SERINC3: variants seen among roughly 807,000 people sequenced by gnomAD.
SERINC3 encodes serine incorporator 3, also known as tumor differentially expressed protein 1.
A neutral mutation model predicts 52.1 loss-of-function variants in SERINC3; 22 were observed. That is an observed-to-expected ratio of 0.42 (90% CI 0.30 to 0.60). The LOEUF (loss-of-function observed/expected upper bound fraction) is 0.60. SERINC3 is among the 20% of genes least tolerant of loss of function. SERINC3 has a pLI of 0.16. For missense variants in SERINC3, 564 were observed against 584.6 expected, an observed-to-expected ratio of 0.96 and a Z score of 0.36; for synonymous variants, 226 against 212.7, an observed-to-expected ratio of 1.06 and a Z score of -0.54.
At chr20:44,504,777 A>C (rs761226458) in intron 7 of SERINC3, 24 bp downstream of exon 7, 1 of 1,543,846 alleles carries the variant, frequency 6.5e-7, no homozygotes, top group Non-Finnish European at 8.9e-7. Context: ...TTATCAAATG[A>C]ATGTGTTATT....
intron 7 of SERINC3, 38 bp from the exon 8 acceptor site, chr20:44,504,033 C>T: frequency 2.0e-6 from 3 of 1,527,522 alleles, no homozygotes; most frequent in African/African-American, 1.4e-5. Flanking sequence ...TTGGTTACAG[C>T]TCATCTTGTT....
In SERINC3 at chr20:44,499,119, T is replaced by C. The variant is rs1027990339; in HGVS notation, c.*1177A>G. On this transcript the variant is annotated 3_prime_UTR_variant, in exon 10 of 10. Transcript: ENST00000342374. ...CTCATTTGCTCTCTTCTCTAAGCTA[T>C]TAAAGTCCAAGACGGCAGAGCCTCT... 6.6e-6 allele frequency: 1 copy of C among 152,372 alleles called. No individual in the cohort carries two copies. Among genetic ancestry groups the C allele is most frequent in the African/African-American group, 2.4e-5 (1 of 41,466 alleles). 9.4% of individuals were successfully genotyped at this position (152,372 alleles called of 1,614,324 possible). A position where few individuals can be genotyped will look rare whatever the true frequency, so the allele number is the denominator to read the frequency against.
intron 9 of SERINC3, 49 bp downstream of exon 9, chr20:44,501,024 C>A (rs966713840): frequency 2.2e-6 from 3 of 1,352,980 alleles, no homozygotes; most frequent in African/African-American, 1.4e-5. Flanking sequence ...ATTTTATAGG[C>A]CATCCAAGGG....
intron 5 of SERINC3, among the ~76,000 whole-genome samples, chr20:44,508,094 T>C (rs559430327): frequency 6.6e-6 from 1 of 152,216 alleles, no homozygotes; most frequent in African/African-American, 2.4e-5. Flanking sequence ...TTTTCACCTC[T>C]GAATATACAA....
At chr20:44,511,736 C>A (rs1334964697) in intron 3 of SERINC3, among the ~76,000 whole-genome samples, 1 of 152,166 alleles carries the variant, frequency 6.6e-6, no homozygotes, top group East Asian at 1.9e-4. Context: ...AAAGTAATCA[C>A]AAATATTTAC....
At chr20:44,516,041 C>A (rs933044797) in intron 1 of SERINC3, among the ~76,000 whole-genome samples, 3 of 152,116 alleles carry the variant, frequency 2.0e-5, no homozygotes, top group African/African-American at 7.2e-5. Context: ...TGGTGGCTCA[C>A]GCCTGTAATC....
rs769534314 is a variant in SERINC3, at chr20:44,504,013, T to A, written c.875-18A>T. 8 of 1,568,902 alleles carry A rather than the reference T, an allele frequency of 5.1e-6. No individual in the cohort carries two copies. The highest frequency in any genetic ancestry group is 4.2e-5 in the African/African-American group (3 of 71,992). On this transcript the variant is annotated intron_variant, in intron 7 of 9. Transcript: ENST00000342374. ...GGAACGATCTGAAAATGAGAAAATTTGTATTATCCTTGGTTACAGCTCATC... is the reference window on the plus strand; with the variant it reads ...GGAACGATCTGAAAATGAGAAAATTAGTATTATCCTTGGTTACAGCTCATC...
At chr20:44,514,171 A>G (rs1325016398) in intron 1 of SERINC3, 131 bp from the exon 2 acceptor site, 3 of 963,324 alleles carry the variant, frequency 3.1e-6, no homozygotes, top group Non-Finnish European at 4.4e-6. Flanking sequence ...GCTGGGAGGA[A>G]GTGGTTAAAA....
At chr20:44,521,465 G>A (rs1239643399) in intron 1 of SERINC3, among the ~76,000 whole-genome samples, 2 of 152,162 alleles carry the variant, frequency 1.3e-5, no homozygotes, top group African/African-American at 4.8e-5. Flanking sequence ...ACAAGCCTCC[G>A]CTAAAACCCC....
chr20:44,504,707 C>T, intron 7 of SERINC3, 94 bp downstream of exon 7: 1 of 1,014,694 alleles, frequency 9.9e-7, no homozygotes, highest in Non-Finnish European at 1.5e-6. Context: ...GCTTGTTTCA[C>T]ATTTGCTCTA....
At chr20:44,517,726 C>A (rs553731663) in intron 1 of SERINC3, among the ~76,000 whole-genome samples, 1 of 152,186 alleles carries the variant, frequency 6.6e-6, no homozygotes, top group East Asian at 1.9e-4. Context: ...TTAAGCCACT[C>A]GGTCTGTGGT....
At chr20:44,502,625 C>CT (rs1484075044) in intron 8 of SERINC3, among the ~76,000 whole-genome samples, 2 of 148,860 alleles carry the variant, frequency 1.3e-5, no homozygotes, top group African/African-American at 4.9e-5. Context: ...AATTGTATTT[C>CT]TTTTTGAGAT....
chr20:44,501,042 G>A lies in SERINC3; in HGVS notation c.1283+31C>T, dbSNP rs746362248. 5.3e-6 allele frequency: 8 copies of A among 1,518,038 alleles called. No homozygotes were observed. The African/African-American group carries it at 9.6e-5, about 18-fold the overall frequency. The allele number at this position is 1,518,038 out of a possible 1,614,324, so 94.0% of individuals were successfully genotyped here. ...TTATAGGCCATCCAAGGGTTTTATG[G>A]TCTTCTGTCTGTTTTGTCTGTGTCT... On this transcript the variant is annotated intron_variant, in intron 9 of 9. Transcript: ENST00000342374.
In SERINC3 at chr20:44,501,085, G is replaced by A; in HGVS notation, c.1271C>T (p.Thr424Ile). 6.2e-7 allele frequency: 1 copy of A among 1,613,360 alleles called. No homozygotes were observed. Among genetic ancestry groups the A allele is most frequent in the Non-Finnish European group, 8.5e-7 (1 of 1,179,350 alleles). The part of the protein sequence containing the change: ...LASLYIMMTL[T>I]SWYSPDAKFQ... ...CTGTGTCTCCTACCTGTACCAGCTGGTCAGGGTCATCATGATGTACAAGGA... is the reference window on the plus strand; with the variant it reads ...CTGTGTCTCCTACCTGTACCAGCTGATCAGGGTCATCATGATGTACAAGGA... The change falls in exon 9 of 10, where the codon ACC becomes ATC. Residue 424 changes from threonine to isoleucine, a missense_variant. Coordinates refer to ENST00000342374, the MANE Select transcript of SERINC3 (RefSeq NM_006811.4).
At chr20:44,504,546 C>A (rs2064299424) in intron 7 of SERINC3, among the ~76,000 whole-genome samples, 1 of 152,202 alleles carries the variant, frequency 6.6e-6, no homozygotes, top group South Asian at 2.1e-4. Flanking sequence ...TAGTTTGACT[C>A]AGCCTAGGTT....
intron 5 of SERINC3, among the ~76,000 whole-genome samples, chr20:44,508,503 A>G (rs997686499): frequency 2.1e-5 from 3 of 146,194 alleles, no homozygotes; most frequent in African/African-American, 8.0e-5. Context: ...TCTCAAAAAA[A>G]AAGAAAAAAA....
intron 8 of SERINC3, among the ~76,000 whole-genome samples, chr20:44,503,436 T>C (rs191447328): frequency 1.3e-5 from 2 of 152,274 alleles, no homozygotes; most frequent in African/African-American, 4.8e-5. Flanking sequence ...TCACCTGAGG[T>C]CAGGAGTTCG....
At chr20:44,500,468 C>G in intron 9 of SERINC3, 34 bp from the exon 10 acceptor site, 1 of 1,551,636 alleles carries the variant, frequency 6.4e-7, no homozygotes, top group Non-Finnish European at 8.7e-7. Context: ...GTAGAAAAGC[C>G]TGGTCTACCT....
In SERINC3 at chr20:44,499,139, G is replaced by A. The variant is rs1342650241; in HGVS notation, c.*1157C>T. On this transcript the variant is annotated 3_prime_UTR_variant, in exon 10 of 10. Coordinates refer to ENST00000342374, the MANE Select transcript of SERINC3 (RefSeq NM_006811.4). ...AGCTATTAAAGTCCAAGACGGCAGA[G>A]CCTCTATCATGTTTAACACTGTACC... The A allele has an allele frequency of 6.6e-6, 1 of 152,314 alleles. No homozygotes were observed. The highest frequency in any genetic ancestry group is 1.9e-4 in the East Asian group (1 of 5,334). The allele number at this position is 152,314 out of a possible 1,614,324, so 9.4% of individuals were successfully genotyped here.
Sources: gnomAD v4.1 joint callset for allele counts (sites outside exome capture counted in the v4.1 genomes callset) on GRCh38, gnomAD v4.1.1 for gene constraint, MANE v1.5 for transcripts, NCBI Gene and HGNC (gene_info 2026-07-23, HGNC 2026-07-21) for gene names.